The following ALCAM variants were observed in gnomAD, a reference collection of about 807,000 sequenced individuals.
The protein encoded by ALCAM is CD166 antigen.
Under a neutral mutation model 70.9 loss-of-function variants are expected in ALCAM, and 30 were observed. That is an observed-to-expected ratio of 0.42 (90% CI 0.32 to 0.57). ALCAM has a LOEUF of 0.57. ALCAM is among the 20% of genes least tolerant of loss of function. ALCAM has a pLI of 0.11. For missense variants in ALCAM, 591 were observed against 695.1 expected (o/e 0.85, Z 1.68); for synonymous variants, 249 against 242.5 (o/e 1.03, Z -0.25).
At position 105,419,446 on chromosome 3, in the gene ALCAM, T is replaced by C. The variant is rs1936590036; in HGVS notation, c.73+51965T>C. Among the ~76,000 whole-genome samples the C allele has an allele frequency of 2.0e-5, 3 of 151,738 alleles. No individual in the cohort carries two copies. In the South Asian group the frequency reaches 6.2e-4, roughly 31 times the overall value. ...AACACTAATGGTTCTAGAGCACTAATGGGAAAATGAGGAAGTACATCAAGA... is the reference window on the plus strand; with the variant it reads ...AACACTAATGGTTCTAGAGCACTAACGGGAAAATGAGGAAGTACATCAAGA... On this transcript the variant is annotated intron_variant, in intron 1 of 15. Coordinates refer to ENST00000306107, the MANE Select transcript of ALCAM (RefSeq NM_001627.4).
chr3:105,556,242 G>C (rs1940514914), intron 14 of ALCAM, among the ~76,000 whole-genome samples: 1 of 151,930 alleles, frequency 6.6e-6, no homozygotes, highest in Admixed American at 6.6e-5. Context: ...GAGTGATGTA[G>C]CCACAAACTT....
In ALCAM at chr3:105,378,016, C is replaced by T. The variant is rs191511631; in HGVS notation, c.73+10535C>T. 2.0e-5 allele frequency among the ~76,000 whole-genome samples: 3 copies of T among 152,080 alleles called. No homozygotes were observed. The East Asian group carries it at 5.8e-4, about 29-fold the overall frequency. ...ATCATATTTCGAACAATTATTCCAA[C>T]AAGTTTAAGCCTTAAGTAAATCATC... On this transcript the variant is annotated intron_variant, in intron 1 of 15. Coordinates refer to ENST00000306107, the MANE Select transcript of ALCAM (RefSeq NM_001627.4).
intron 14 of ALCAM, among the ~76,000 whole-genome samples, chr3:105,562,751 T>A (rs577348871): frequency 1.3e-5 from 2 of 152,326 alleles, no homozygotes; most frequent in East Asian, 1.9e-4. Context: ...GGACCTTGAG[T>A]TTTCTTTATG....
At chr3:105,394,135 G>C (rs1389764264) in intron 1 of ALCAM, among the ~76,000 whole-genome samples, 5 of 151,936 alleles carry the variant, frequency 3.3e-5, no homozygotes, top group African/African-American at 1.2e-4. Context: ...GTAACAGCCT[G>C]TAAGCCTCCT....
chr3:105,483,923 A>G (rs1938348438), intron 1 of ALCAM, among the ~76,000 whole-genome samples: 1 of 152,114 alleles, frequency 6.6e-6, no homozygotes, highest in African/African-American at 2.4e-5. Context: ...ACAAAACCCA[A>G]TTAAGTGACA....
intron 14 of ALCAM, among the ~76,000 whole-genome samples, chr3:105,568,206 G>A (rs919283228): frequency 1.9e-4 from 29 of 151,698 alleles, no homozygotes; most frequent in African/African-American, 7.0e-4. Context: ...GGGATTACAG[G>A]CACACGCTAC....
chr3:105,407,076 A>G (rs1413981134), intron 1 of ALCAM, among the ~76,000 whole-genome samples: 3 of 152,108 alleles, frequency 2.0e-5, no homozygotes, highest in African/African-American at 7.2e-5. Flanking sequence ...GAAAATGCCA[A>G]CAAAAAAAAG....
intron 1 of ALCAM, among the ~76,000 whole-genome samples, chr3:105,402,090 C>A (rs561571029): frequency 1.3e-5 from 2 of 151,918 alleles, no homozygotes; most frequent in African/African-American, 4.8e-5. Flanking sequence ...CCAAACATCC[C>A]CATCATAGAT....
chr3:105,507,070 TTGTG>T (rs1307783030), intron 1 of ALCAM, among the ~76,000 whole-genome samples: 2 of 152,202 alleles, frequency 1.3e-5, no homozygotes, highest in African/African-American at 4.8e-5. Context: ...GCTGAAGAAA[TTGTG>T]TGTATCACTT....
intron 1 of ALCAM, among the ~76,000 whole-genome samples, chr3:105,443,035 A>AGGCT: frequency 6.6e-6 from 1 of 152,202 alleles, no homozygotes; most frequent in South Asian, 2.1e-4. Context: ...TATATTGTCC[A>AGGCT]GGCTAGTCTC....
intron 1 of ALCAM, among the ~76,000 whole-genome samples, chr3:105,369,441 C>A (rs922740816): frequency 3.3e-5 from 5 of 152,214 alleles, no homozygotes; most frequent in African/African-American, 1.2e-4. Flanking sequence ...GATCCGATAT[C>A]GGCCCTGGAC....
At chr3:105,537,813 T>C (rs1940011439) in intron 6 of ALCAM, among the ~76,000 whole-genome samples, 1 of 152,142 alleles carries the variant, frequency 6.6e-6, no homozygotes, top group Admixed American at 6.6e-5. Context: ...AAAAGTTCAT[T>C]GAGGCAGGGT....
chr3:105,572,762 G>C (rs1341638822), intron 15 of ALCAM, among the ~76,000 whole-genome samples: 1 of 152,052 alleles, frequency 6.6e-6, no homozygotes, highest in Non-Finnish European at 1.5e-5. Flanking sequence ...TTTTTCGAAA[G>C]GAAACTTTCG....
At chr3:105,470,124 T>TATATAC (rs1356587054) in intron 1 of ALCAM, among the ~76,000 whole-genome samples, 1 of 68,864 alleles carries the variant, frequency 1.5e-5, no homozygotes, top group East Asian at 5.7e-4. Context: ...TATGATATGT[T>TATATAC]ATATACATAC....
chr3:105,424,697 T>A (rs537100264), intron 1 of ALCAM, among the ~76,000 whole-genome samples: 5 of 151,840 alleles, frequency 3.3e-5, no homozygotes, highest in African/African-American at 1.2e-4. Context: ...GGGACAAGAT[T>A]AGCAAGACAA....
intron 1 of ALCAM, among the ~76,000 whole-genome samples, chr3:105,434,802 G>C (rs973306190): frequency 3.9e-5 from 6 of 152,076 alleles, no homozygotes; most frequent in Admixed American, 3.9e-4. Context: ...TTGTTTAAAT[G>C]AGGTCTTATT....
intron 9 of ALCAM, among the ~76,000 whole-genome samples, chr3:105,545,693 A>G (rs1940229927): frequency 6.6e-6 from 1 of 151,600 alleles, no homozygotes; most frequent in Admixed American, 6.6e-5. Context: ...TGATATTTAC[A>G]ACAACCCTGT....
intron 1 of ALCAM, among the ~76,000 whole-genome samples, chr3:105,451,124 C>T (rs182539448): frequency 6.6e-6 from 1 of 152,022 alleles, no homozygotes; most frequent in Non-Finnish European, 1.5e-5. Context: ...AAAATCTGAG[C>T]ATGGTGGTGC....
At chr3:105,390,480 T>G (rs886383575) in intron 1 of ALCAM, among the ~76,000 whole-genome samples, 1 of 152,090 alleles carries the variant, frequency 6.6e-6, no homozygotes, top group Non-Finnish European at 1.5e-5. Context: ...TTTAAGTTCC[T>G]TGCAGACCCT....
Sources: allele counts gnomAD v4.1 joint callset (sites outside exome capture counted in the v4.1 genomes callset), GRCh38; gene constraint gnomAD v4.1.1; transcripts MANE v1.5; gene names NCBI Gene and HGNC (gene_info 2026-07-23, HGNC 2026-07-21).